Variants in ZNF423 observed in about 807,000 individuals in gnomAD.
The protein encoded by ZNF423 is zinc finger protein 423, also known as Ebf-associated zinc finger protein.
In ZNF423, 12 loss-of-function variants were observed where a neutral mutation model predicts 95.8. The observed-to-expected ratio is 0.13, with a 90% confidence interval of 0.08 to 0.20. The LOEUF is 0.20. ZNF423 is among the 10% of genes least tolerant of loss of function. The pLI is 1.00. For missense variants in ZNF423, 1,316 were observed against 1,737.1 expected (o/e 0.76, Z 4.31); for synonymous variants, 749 against 711.9 (o/e 1.05, Z -0.83).
intron 2 of ZNF423, among the ~76,000 whole-genome samples, chr16:49,772,321 C>T (rs2034049906): frequency 6.6e-6 from 1 of 152,260 alleles, no homozygotes; most frequent in South Asian, 2.1e-4. Flanking sequence ...TGCCAGCCTG[C>T]ACCGGTGAGA....
In ZNF423 at chr16:49,637,979, C is replaced by T; in HGVS notation, c.1197G>A (p.Leu399=). 1.2e-6 allele frequency: 2 copies of T among 1,614,134 alleles called. No homozygotes were observed. Among genetic ancestry groups the T allele is most frequent in the Non-Finnish European group, 8.5e-7 (1 of 1,180,046 alleles). Residue 399 remains leucine (L), a synonymous_variant, in exon 4 of 8, where the codon CTG becomes CTA. Coordinates refer to ENST00000563137, the MANE Select transcript of ZNF423 (RefSeq NM_001379286.1). This position sits in a 1 kb window ranked among gnomAD's most constrained non-coding sequence, Gnocchi z 5.6. ...CATCCCGCATCTTCTTCTGCCCCCGCAGCGGCTTCAAGGTGGAGTCCGGGG... is the reference window on the plus strand; with the variant it reads ...CATCCCGCATCTTCTTCTGCCCCCGTAGCGGCTTCAAGGTGGAGTCCGGGG... ...GSTPDSTLKP[L]RGQKKMRDDG...
chr16:49,501,217 G>T (rs1345228991), intron 7 of ZNF423, among the ~76,000 whole-genome samples: 1 of 152,170 alleles, frequency 6.6e-6, no homozygotes, highest in East Asian at 1.9e-4. Context: ...TGCAGCACAG[G>T]CCAGGTGCAA....
At chr16:49,844,138 C>T (rs1051335500) in intron 1 of ZNF423, among the ~76,000 whole-genome samples, 3 of 148,644 alleles carry the variant, frequency 2.0e-5, no homozygotes, top group African/African-American at 2.5e-5. Context: ...AAAAAAGAGG[C>T]GGACATGGTG....
intron 5 of ZNF423, among the ~76,000 whole-genome samples, chr16:49,558,109 GT>G (rs1177744713): frequency 1.3e-5 from 2 of 152,214 alleles, no homozygotes; most frequent in African/African-American, 4.8e-5. Context: ...GGCAAGGACT[GT>G]TTTTGAGATC....
intron 5 of ZNF423, among the ~76,000 whole-genome samples, chr16:49,611,217 G>GTAGAGA (rs1971709883): frequency 6.6e-6 from 1 of 151,946 alleles, no homozygotes; most frequent in East Asian, 1.9e-4. Flanking sequence ...TTTCAAATGC[G>GTAGAGA]TAGAGAACAA....
chr16:49,854,443 G>C (rs1181999322), intron 1 of ZNF423: 3 of 985,434 alleles, frequency 3.0e-6, no homozygotes, highest in East Asian at 1.1e-4. Context: ...GGAAGGGAGC[G>C]GGGCCCCAGC....
intron 5 of ZNF423, among the ~76,000 whole-genome samples, chr16:49,569,811 A>G (rs1386075093): frequency 6.6e-6 from 1 of 152,198 alleles, no homozygotes; most frequent in Non-Finnish European, 1.5e-5. Flanking sequence ...GAGTTTTACT[A>G]TGTGTCAGGC....
intron 3 of ZNF423, among the ~76,000 whole-genome samples, chr16:49,655,917 A>C (rs1345764052): frequency 2.6e-5 from 4 of 152,198 alleles, no homozygotes; most frequent in South Asian, 2.1e-4. Flanking sequence ...CTGAATGCTA[A>C]GTGGGTGCAC....
At chr16:49,724,951 C>T (rs534760865) in intron 3 of ZNF423, among the ~76,000 whole-genome samples, 2 of 152,114 alleles carry the variant, frequency 1.3e-5, no homozygotes, top group African/African-American at 2.4e-5. Flanking sequence ...TCAAAAAAGC[C>T]ATCTGGAGTT....
At chr16:49,789,389 A>G in intron 2 of ZNF423, 98 bp downstream of exon 2, 3 of 1,224,132 alleles carry the variant, frequency 2.5e-6, no homozygotes, top group Non-Finnish European at 3.4e-6. Context: ...ATGTGACACG[A>G]AGAATATCAT....
intron 1 of ZNF423, among the ~76,000 whole-genome samples, chr16:49,841,492 G>T (rs576453184): frequency 6.6e-6 from 1 of 152,308 alleles, no homozygotes; most frequent in South Asian, 2.1e-4. Context: ...TGCCCGTAAC[G>T]TGCATAGCCC....
intron 7 of ZNF423, among the ~76,000 whole-genome samples, chr16:49,519,696 T>A (rs558016782): frequency 1.3e-5 from 2 of 152,252 alleles, no homozygotes; most frequent in Admixed American, 6.5e-5. Flanking sequence ...CTCTTAACCA[T>A]GTCTTTCAAA....
At chr16:49,789,436 G>A in intron 2 of ZNF423, 51 bp downstream of exon 2, 1 of 1,569,912 alleles carries the variant, frequency 6.4e-7, no homozygotes, top group East Asian at 2.3e-5. Context: ...GAGTTCCTGG[G>A]CCAGCCCCCA....
At chr16:49,647,517 C>T (rs1973224812) in intron 3 of ZNF423, among the ~76,000 whole-genome samples, 1 of 152,176 alleles carries the variant, frequency 6.6e-6, no homozygotes, top group African/African-American at 2.4e-5. Flanking sequence ...CCACATGGGT[C>T]TGTTGTAATC....
At chr16:49,595,128 T>G (rs1282186366) in intron 5 of ZNF423, among the ~76,000 whole-genome samples, 1 of 151,872 alleles carries the variant, frequency 6.6e-6, no homozygotes, top group East Asian at 1.9e-4. Context: ...GGGCAGGGAG[T>G]GCTGCTGAGG....
intron 5 of ZNF423, among the ~76,000 whole-genome samples, chr16:49,609,553 C>A (rs1259966595): frequency 2.6e-5 from 4 of 151,686 alleles, no homozygotes; most frequent in African/African-American, 9.7e-5. Context: ...CAAGGAGGCA[C>A]TAAATGGAAA....
At chr16:49,509,065 T>C (rs955330076) in intron 7 of ZNF423, among the ~76,000 whole-genome samples, 2 of 152,240 alleles carry the variant, frequency 1.3e-5, no homozygotes, top group Admixed American at 1.3e-4. Context: ...CTCTCTGCTC[T>C]TTATATATTA....
chr16:49,839,775 G>A (rs2035164137), intron 1 of ZNF423, among the ~76,000 whole-genome samples: 1 of 152,114 alleles, frequency 6.6e-6, no homozygotes, highest in Non-Finnish European at 1.5e-5. Flanking sequence ...AAGAGACAGA[G>A]GCTCAGAGAA....
chr16:49,801,548 G>A (rs2034583354), intron 1 of ZNF423, among the ~76,000 whole-genome samples: 1 of 152,228 alleles, frequency 6.6e-6, no homozygotes, highest in Admixed American at 6.5e-5. Flanking sequence ...ACTGTGATGT[G>A]CACTTCGGTT....
Sources: gnomAD v4.1 joint callset for allele counts (sites outside exome capture counted in the v4.1 genomes callset) on GRCh38, gnomAD v4.1.1 for gene constraint, Gnocchi (gnomAD v3.1) non-coding constraint, MANE v1.5 for transcripts, NCBI Gene and HGNC (gene_info 2026-07-23, HGNC 2026-07-21) for gene names.